Variants in SNX31 observed in about 807,000 individuals in gnomAD.
SNX31 encodes the protein sorting nexin 31.
SNX31 carries 58 observed loss-of-function variants against 65.4 expected under a neutral mutation model. That is an observed-to-expected ratio of 0.89 (90% confidence interval 0.72 to 1.10). The LOEUF is 1.10. Ranked by LOEUF, SNX31 falls within the 50% of genes least tolerant of loss-of-function variation. The probability of loss-of-function intolerance (pLI) is 0.00; values close to 1 mark genes in which losing one functional copy is unlikely to be tolerated. For synonymous variants in SNX31, 181 were observed against 190.1 expected (o/e 0.95, Z 0.39); for missense variants, 523 against 529.7 (o/e 0.99, Z 0.12).
intron 8 of SNX31, among the ~76,000 whole-genome samples, chr8:100,603,376 C>G (rs1815825394): frequency 6.6e-6 from 1 of 151,854 alleles, no homozygotes; most frequent in South Asian, 2.1e-4. Flanking sequence ...TAACTGGATC[C>G]TCAGACACAG....
At chr8:100,574,087 G>A (rs1812835916) in intron 13 of SNX31, 127 bp from the exon 14 acceptor site, 2 of 538,486 alleles carry the variant, frequency 3.7e-6, no homozygotes, top group Admixed American at 3.9e-5. Context: ...ATAAGCAATG[G>A]TTATTTTAAA....
At chr8:100,577,354 A>G (rs1327144439) in intron 12 of SNX31, among the ~76,000 whole-genome samples, 1 of 152,268 alleles carries the variant, frequency 6.6e-6, no homozygotes, top group Non-Finnish European at 1.5e-5. Context: ...TTAAAAGAAC[A>G]TCACACGAAA....
chr8:100,640,244 C>T (rs1003190807), intron 2 of SNX31, among the ~76,000 whole-genome samples: 1 of 152,108 alleles, frequency 6.6e-6, no homozygotes, highest in Non-Finnish European at 1.5e-5. Context: ...TCTCCTGCCT[C>T]GCCTCCCGAG....
chr8:100,605,030 C>A (rs1816015960), intron 8 of SNX31, among the ~76,000 whole-genome samples: 1 of 152,132 alleles, frequency 6.6e-6, no homozygotes, highest in African/African-American at 2.4e-5. Flanking sequence ...TCCCGAGTAG[C>A]TGGGACTACA....
chr8:100,610,167 C>G lies in SNX31; in HGVS notation c.612-1604G>C, dbSNP rs1435432591. 6.6e-6 allele frequency among the ~76,000 whole-genome samples: 1 copy of G among 152,322 alleles called. No homozygotes were observed. Among genetic ancestry groups the G allele is most frequent in the East Asian group, 1.9e-4 (1 of 5,186 alleles). On this transcript the variant is annotated intron_variant, in intron 7 of 13. Coordinates refer to ENST00000311812, the MANE Select transcript of SNX31 (RefSeq NM_152628.4). The surrounding 1 kb of genome is among the most constrained non-coding windows in gnomAD (Gnocchi z 4.0). ...ATCAACAGAGGCAATCTGCCTAGAT[C>G]TGAGATGCTGGCTAATAATTTGGGG...
At chr8:100,623,265 G>A (rs1817822655) in intron 4 of SNX31, among the ~76,000 whole-genome samples, 4 of 152,150 alleles carry the variant, frequency 2.6e-5, no homozygotes, top group Admixed American at 2.6e-4. Flanking sequence ...CAGATCTCAT[G>A]AGAACTCACT....
intron 8 of SNX31, among the ~76,000 whole-genome samples, chr8:100,602,929 G>A (rs1013929874): frequency 6.6e-6 from 1 of 152,144 alleles, no homozygotes; most frequent in Non-Finnish European, 1.5e-5. Flanking sequence ...CAAGAATAAG[G>A]GGGGCCTACT....
intron 4 of SNX31, among the ~76,000 whole-genome samples, chr8:100,624,100 A>C (rs916504457): frequency 1.3e-5 from 2 of 152,158 alleles, no homozygotes; most frequent in Non-Finnish European, 2.9e-5. Flanking sequence ...AATAGAAGTG[A>C]CACAAGAAAG....
chr8:100,619,470 A>G (rs1428233236), intron 4 of SNX31, among the ~76,000 whole-genome samples: 1 of 152,196 alleles, frequency 6.6e-6, no homozygotes, highest in Non-Finnish European at 1.5e-5. Context: ...AAATCTGGGG[A>G]TCTGTGACAT....
In SNX31 at chr8:100,626,791, A is replaced by C. The variant is rs1818070248; in HGVS notation, c.321+3536T>G. The stretch of plus-strand genomic sequence containing the variant: ...CATTAAGCAGATGAAAATAAAAAGA[A>C]GGTGTTTCTGAATGAAGACCTCAAA... On this transcript the variant is annotated intron_variant, in intron 4 of 13. Transcript: ENST00000311812. This position sits in a 1 kb window ranked among gnomAD's most constrained non-coding sequence, Gnocchi z 4.4. Among the ~76,000 whole-genome samples, 1 of 152,224 alleles carries C rather than the reference A, an allele frequency of 6.6e-6. No individual in the cohort carries two copies. The highest frequency in any genetic ancestry group is 1.5e-5 in the Non-Finnish European group (1 of 68,042).
intron 2 of SNX31, among the ~76,000 whole-genome samples, chr8:100,647,157 T>C (rs889321280): frequency 6.6e-6 from 1 of 152,150 alleles, no homozygotes; most frequent in Admixed American, 6.5e-5. Context: ...TGTAGTAGTT[T>C]GTATAGAAAG....
chr8:100,649,405 A>ACCGGCCCCCACCCAGCCCCCC, intron 1 of SNX31, 44 bp downstream of exon 1: 1 of 1,604,386 alleles, frequency 6.2e-7, no homozygotes, highest in Non-Finnish European at 8.5e-7. Context: ...GAGCATTGCC[A>ACCGGCCCCCACCCAGCCCCCC]CCGGCCCCCT....
intron 11 of SNX31, among the ~76,000 whole-genome samples, chr8:100,587,572 G>T (rs1446057091): frequency 6.6e-6 from 1 of 152,172 alleles, no homozygotes; most frequent in Admixed American, 6.5e-5. Flanking sequence ...ATAAGTATAA[G>T]AAATGGATTG....
At chr8:100,600,693 C>T (rs930441186) in intron 8 of SNX31, among the ~76,000 whole-genome samples, 4 of 151,594 alleles carry the variant, frequency 2.6e-5, no homozygotes, top group Non-Finnish European at 5.9e-5. Context: ...CAAATAAATT[C>T]CAGATAAAGA....
chr8:100,633,539 G>A (rs938171418), intron 3 of SNX31, among the ~76,000 whole-genome samples: 1 of 151,736 alleles, frequency 6.6e-6, no homozygotes, highest in Non-Finnish European at 1.5e-5. Context: ...AATTTGCTGC[G>A]ATTGCAGGCA....
chr8:100,649,886 A>AT (rs754038956), upstream of SNX31, among the ~76,000 whole-genome samples: 1 of 152,232 alleles, frequency 6.6e-6, no homozygotes, highest in Non-Finnish European at 1.5e-5. Flanking sequence ...CAGTGCACTA[A>AT]TTAAGATTTC....
At chr8:100,634,416 C>T (rs114339414) in intron 3 of SNX31, among the ~76,000 whole-genome samples, 1,889 of 152,030 alleles carry the variant, frequency 0.012, 40 homozygotes, top group African/African-American at 0.042. Context: ...TTTAACCTCC[C>T]AATCAAAGCC....
At chr8:100,645,041 G>A (rs1819531816) in intron 2 of SNX31, among the ~76,000 whole-genome samples, 1 of 152,226 alleles carries the variant, frequency 6.6e-6, no homozygotes. Flanking sequence ...ACCTGTGCCA[G>A]GTACTGCCCC....
chr8:100,578,211 C>T lies in SNX31; in HGVS notation c.1171-1136G>A, dbSNP rs868458848. Reference sequence around the variant, plus strand: ...ATCTGGAAAGGCAGAGTGCCTGGCACACCTAGTAAACACCACCTAGCCAGG... The same window carrying T: ...ATCTGGAAAGGCAGAGTGCCTGGCATACCTAGTAAACACCACCTAGCCAGG... On this transcript the variant is annotated intron_variant, in intron 12 of 13. Coordinates refer to ENST00000311812, the MANE Select transcript of SNX31 (RefSeq NM_152628.4). The surrounding 1 kb of genome is among the most constrained non-coding windows in gnomAD (Gnocchi z 4.7). Among the ~76,000 whole-genome samples the T allele has an allele frequency of 6.6e-6, 1 of 152,204 alleles. No homozygotes were observed. Among genetic ancestry groups the T allele is most frequent in the Non-Finnish European group, 1.5e-5 (1 of 68,038 alleles).
Sources: gnomAD v4.1 joint callset for allele counts (sites outside exome capture counted in the v4.1 genomes callset) on GRCh38, gnomAD v4.1.1 for gene constraint, Gnocchi (gnomAD v3.1) non-coding constraint, MANE v1.5 for transcripts, NCBI Gene and HGNC (gene_info 2026-07-23, HGNC 2026-07-21) for gene names.